The following KPNA2 variants were observed in gnomAD, a reference collection of about 807,000 sequenced individuals.
The protein encoded by KPNA2 is importin subunit alpha-1.
KPNA2 carries 20 observed loss-of-function variants against 53.7 expected under a neutral mutation model. That is an observed-to-expected ratio of 0.37 (90% CI 0.26 to 0.54). KPNA2 has a LOEUF of 0.54. Among genes scored for constraint, KPNA2 ranks in the 20% least tolerant of loss-of-function variants. The pLI, the probability that KPNA2 is intolerant of heterozygous loss-of-function variation, is 0.83. For missense variants in KPNA2, 515 were observed against 640.3 expected (o/e 0.80, Z 2.11); for synonymous variants, 238 against 227.5 (o/e 1.05, Z -0.42).
At chr17:68,039,157 G>C (rs1353801463) in intron 3 of KPNA2, among the ~76,000 whole-genome samples, 3 of 150,454 alleles carry the variant, frequency 2.0e-5, no homozygotes, top group African/African-American at 7.3e-5. Context: ...ACCTTGGTTT[G>C]TTGCCCAGGC....
intron 4 of KPNA2, among the ~76,000 whole-genome samples, chr17:68,041,234 G>A (rs2071256574): frequency 6.6e-6 from 1 of 152,204 alleles, no homozygotes; most frequent in Non-Finnish European, 1.5e-5. Flanking sequence ...TAGCTTGACA[G>A]TGTGCAGAAG....
chr17:68,043,745 C>CA, intron 7 of KPNA2, 93 bp from the exon 8 acceptor site: 1 of 770,904 alleles, frequency 1.3e-6, no homozygotes, highest in South Asian at 1.6e-5. Flanking sequence ...TATTTCAGGC[C>CA]ATGATGGGCC....
At position 68,043,948 on chromosome 17, in the gene KPNA2, C is replaced by A. The variant is rs185003293; in HGVS notation, c.1041C>A (p.Pro347=). 6.2e-7 allele frequency: 1 copy of A among 1,613,800 alleles called. No individual in the cohort carries two copies. The highest frequency in any genetic ancestry group is 8.5e-7 in the Non-Finnish European group (1 of 1,179,850). Residue 347 remains proline (P), a synonymous_variant, in exon 8 of 11, where the codon CCC becomes CCA. Coordinates refer to ENST00000330459, the MANE Select transcript of KPNA2 (RefSeq NM_002266.4). Reference sequence around the variant, plus strand: ...TCTTTCCCAGCCTGCTCACCAACCCCAAAACTAACATTCAGAAGGAAGCTA... The same window carrying A: ...TCTTTCCCAGCCTGCTCACCAACCCAAAAACTAACATTCAGAAGGAAGCTA... The part of the protein sequence containing the change: ...LAVFPSLLTN[P]KTNIQKEATW...
At position 68,037,111 on chromosome 17, in the gene KPNA2, T is replaced by C. The variant is rs1555703837; in HGVS notation, c.-22T>C. ...TTTTTCTCTTCCCCCATCTTTTAGC[T>C]TTCTCCCTTTGTCTCATAACCATGT... On this transcript the variant is annotated splice_region_variant and 5_prime_UTR_variant, in exon 2 of 11. Transcript: ENST00000330459. The C allele has an allele frequency of 1.3e-6, 2 of 1,586,530 alleles. No individual in the cohort carries two copies. Among genetic ancestry groups the C allele is most frequent in the South Asian group, 1.1e-5 (1 of 89,648 alleles).
rs2071307214 is a variant in KPNA2 at position 68,044,630 on chromosome 17, T to C, written c.1347+127T>C. The C allele has an allele frequency of 6.9e-6, 5 of 726,082 alleles. No individual in the cohort carries two copies. In the South Asian group the frequency reaches 8.7e-5, roughly 13 times the overall value. The allele number at this position is 726,082 out of a possible 1,614,324, so 45.0% of individuals were successfully genotyped here. ...GCCACAGAATCAGAAAGCCTGTTTA[T>C]GTGGCCACCCCTTTGATTAAAAATG... On this transcript the variant is annotated intron_variant, in intron 9 of 10. Coordinates refer to ENST00000330459, the MANE Select transcript of KPNA2 (RefSeq NM_002266.4).
rs782502631 is a variant in KPNA2, at chr17:68,043,820, A to G, written c.931-18A>G. 18 of 1,423,430 alleles carry G rather than the reference A, an allele frequency of 1.3e-5. No individual in the cohort carries two copies. Among genetic ancestry groups the G allele is most frequent in the Middle Eastern group, 1.8e-4 (1 of 5,696 alleles). 88.2% of individuals were successfully genotyped at this position (1,423,430 alleles called of 1,614,324 possible). On this transcript the variant is annotated intron_variant, in intron 7 of 10. Coordinates refer to ENST00000330459, the MANE Select transcript of KPNA2 (RefSeq NM_002266.4). ...TGGGGAAAAAATAACCAGCATCAAC[A>G]TATTTTTTTTTTTTCAGACTCCTGC...
intron 3 of KPNA2, among the ~76,000 whole-genome samples, chr17:68,040,355 A>G (rs529808662): frequency 6.8e-6 from 1 of 147,234 alleles, no homozygotes; most frequent in East Asian, 2.0e-4. Context: ...TGAGCCTCCC[A>G]AAGTGCTAGG....
chr17:68,043,357 A>C lies in KPNA2; in HGVS notation c.924A>C (p.Pro308=), dbSNP rs1176572662. ...AGCTTCTAGGAGCTTCTGAATTGCC[A>C]ATTGTGGTAAGTTATTTACTTGTAG... ...LVKLLGASEL[P]IVTPALRAIG... The change falls in exon 7 of 11, where the codon CCA becomes CCC. Residue 308 remains proline, a synonymous_variant. Transcript: ENST00000330459. The C allele has an allele frequency of 6.2e-7, 1 of 1,613,830 alleles. No individual in the cohort carries two copies. Among genetic ancestry groups the C allele is most frequent in the African/African-American group, 1.3e-5 (1 of 74,858 alleles).
chr17:68,043,167 C>T lies in KPNA2; in HGVS notation c.734C>T (p.Pro245Leu), dbSNP rs782528768. 1.2e-5 allele frequency: 19 copies of T among 1,613,972 alleles called. No individual in the cohort carries two copies. Among genetic ancestry groups the T allele is most frequent in the Admixed American group, 8.3e-5 (5 of 59,980 alleles). ...NLCRNKNPAP[P>L]IDAVEQILPT... is the part of the protein sequence containing the mutation. ...TGCCGCAACAAGAATCCTGCACCCCCGATAGATGCTGTTGAGCAGATTCTT... is the reference window on the plus strand; with the variant it reads ...TGCCGCAACAAGAATCCTGCACCCCTGATAGATGCTGTTGAGCAGATTCTT... Residue 245 changes from proline to leucine, a missense_variant, in exon 7 of 11, where the codon CCG (proline) becomes CTG (leucine). Transcript: ENST00000330459.
At chr17:68,038,027 C>G (rs1435035391) in intron 3 of KPNA2, among the ~76,000 whole-genome samples, 1 of 151,988 alleles carries the variant, frequency 6.6e-6, no homozygotes, top group Non-Finnish European at 1.5e-5. Flanking sequence ...CCCAGGCTAG[C>G]GTGCAGTGGT....
At chr17:68,035,959 C>G (rs1462269798) in intron 1 of KPNA2, 119 bp downstream of exon 1, 2 of 152,358 alleles carry the variant, frequency 1.3e-5, no homozygotes, top group Admixed American at 1.3e-4. Flanking sequence ...CTGCCTCCCG[C>G]GTTGACTAGG....
intron 4 of KPNA2, 99 bp downstream of exon 4, chr17:68,040,865 G>T: frequency 1.4e-6 from 1 of 736,654 alleles, no homozygotes; most frequent in South Asian, 1.5e-5. Context: ...GATAGTACAA[G>T]GAAAGATTAG....
intron 1 of KPNA2, 105 bp from the exon 2 acceptor site, chr17:68,037,005 C>G (rs539212557): frequency 5.1e-6 from 4 of 782,370 alleles, no homozygotes; most frequent in South Asian, 1.5e-5. Flanking sequence ...CTCTAGTATA[C>G]AGGTGTGGAT....
In KPNA2 at chr17:68,037,375, A is replaced by T; in HGVS notation, c.93A>T (p.Arg31Ser). Residue 31 changes from arginine (R) to serine (S), a missense_variant, in exon 3 of 11, where the codon AGA (arginine) becomes AGT (serine). By Grantham distance (110) the Arg-to-Ser change is moderately radical. Transcript: ENST00000330459. ...TTCTCAAGGAAATGAGGCGTCGCAG[A>T]ATAGAGGTCAATGTGGAGCTGAGGA... ...GKDSTEMRRR[R>S]IEVNVELRKA... The T allele has an allele frequency of 6.2e-7, 1 of 1,613,810 alleles. No homozygotes were observed. Among genetic ancestry groups the T allele is most frequent in the Non-Finnish European group, 8.5e-7 (1 of 1,179,902 alleles).
In KPNA2 at chr17:68,043,161, C is replaced by T; in HGVS notation, c.728C>T (p.Ala243Val). The stretch of plus-strand genomic sequence containing the variant: ...AATCTTTGCCGCAACAAGAATCCTG[C>T]ACCCCCGATAGATGCTGTTGAGCAG... ...LSNLCRNKNP[A>V]PPIDAVEQIL... The change falls in exon 7 of 11, where the codon GCA becomes GTA. Residue 243 changes from alanine (A) to valine (V), a missense_variant. By Grantham distance (64) the Ala-to-Val change is moderately conservative. Coordinates refer to ENST00000330459, the MANE Select transcript of KPNA2 (RefSeq NM_002266.4). 6.2e-7 allele frequency: 1 copy of T among 1,614,148 alleles called. No individual in the cohort carries two copies.
chr17:68,040,124 C>T (rs1311936246), intron 3 of KPNA2, among the ~76,000 whole-genome samples: 1 of 151,960 alleles, frequency 6.6e-6, no homozygotes, highest in Admixed American at 6.6e-5. Flanking sequence ...CCTATGACTT[C>T]ATGTCTTTCT....
intron 2 of KPNA2, 51 bp from the exon 3 acceptor site, chr17:68,037,307 A>G: frequency 6.3e-7 from 1 of 1,592,260 alleles, no homozygotes; most frequent in African/African-American, 1.4e-5. Flanking sequence ...GCCCTCACTT[A>G]GCAACAAAAA....
intron 3 of KPNA2, among the ~76,000 whole-genome samples, chr17:68,038,860 G>A (rs1555704118): frequency 6.6e-6 from 1 of 152,092 alleles, no homozygotes; most frequent in African/African-American, 2.4e-5. Flanking sequence ...TCTATAAAAA[G>A]TAAAGTTAGC....
rs144471912 is a variant in KPNA2, at chr17:68,043,822, A to ATT, written c.931-5_931-4dup. The ATT allele has an allele frequency of 1.7e-4, 199 of 1,183,138 alleles. No individual in the cohort carries two copies. The highest frequency in any genetic ancestry group is 2.0e-4 in the Non-Finnish European group (164 of 836,454). 73.3% of individuals were successfully genotyped at this position (1,183,138 alleles called of 1,614,324 possible). On this transcript the variant is annotated splice_polypyrimidine_tract_variant and intron_variant, in intron 7 of 10. Transcript: ENST00000330459. ...GGGAAAAAATAACCAGCATCAACATATTTTTTTTTTTTCAGACTCCTGCCC... is the reference window on the plus strand; with the variant it reads ...GGGAAAAAATAACCAGCATCAACATATTTTTTTTTTTTTTCAGACTCCTGCCC...
Sources: allele counts gnomAD v4.1 joint callset (sites outside exome capture counted in the v4.1 genomes callset), GRCh38; gene constraint gnomAD v4.1.1; transcripts MANE v1.5; gene names NCBI Gene and HGNC (gene_info 2026-07-23, HGNC 2026-07-21).